The following DCAF12 variants were observed in gnomAD, a reference collection of about 807,000 sequenced individuals.
The protein encoded by DCAF12 is DDB1- and CUL4-associated factor 12.
In DCAF12, 28 loss-of-function variants were observed where a neutral mutation model predicts 52.8. The ratio of observed to expected loss-of-function variants is 0.53; its 90% CI spans 0.39 to 0.73. DCAF12 has a LOEUF of 0.73. Among genes scored for constraint, DCAF12 ranks in the 30% least tolerant of loss-of-function variants. DCAF12 has a pLI of 0.00. For synonymous variants in DCAF12, 196 were observed against 215.5 expected, an observed-to-expected ratio of 0.91 and a Z score of 0.79; for missense variants, 425 against 552.2, an observed-to-expected ratio of 0.77 and a Z score of 2.31.
In DCAF12 at chr9:34,106,504, C is replaced by T; in HGVS notation, c.541-10G>A. On this transcript the variant is annotated splice_polypyrimidine_tract_variant and intron_variant, in intron 3 of 8. Coordinates refer to ENST00000361264, the MANE Select transcript of DCAF12 (RefSeq NM_015397.4). ...AGTCCTTGTGTCCATCCTTGGAGAG[C>T]AGGGAGTAACAGGTACAGGGAGGAA... The T allele has an allele frequency of 3.1e-6, 5 of 1,604,852 alleles. No individual in the cohort carries two copies. Among genetic ancestry groups the T allele is most frequent in the Non-Finnish European group, 4.3e-6 (5 of 1,173,246 alleles).
chr9:34,093,782 A>G (rs781609586), intron 6 of DCAF12: 9 of 274,142 alleles, frequency 3.3e-5, no homozygotes, highest in Non-Finnish European at 6.4e-5. Flanking sequence ...CCAGGGCACT[A>G]AAGCCATAGT....
intron 1 of DCAF12, chr9:34,125,550 A>G (rs1829235649): frequency 1.8e-6 from 1 of 555,698 alleles, no homozygotes; most frequent in Non-Finnish European, 3.5e-6. Flanking sequence ...AAGGTTTACT[A>G]GACATTTTAG....
intron 4 of DCAF12, among the ~76,000 whole-genome samples, chr9:34,104,932 A>G (rs1828881415): frequency 6.6e-6 from 1 of 151,726 alleles, no homozygotes; most frequent in Admixed American, 6.6e-5. Flanking sequence ...AAAAAAAAAG[A>G]AAGAATTTCA....
chr9:34,108,737 G>C (rs1281777756), intron 2 of DCAF12, among the ~76,000 whole-genome samples: 1 of 150,562 alleles, frequency 6.6e-6, no homozygotes, highest in Non-Finnish European at 1.5e-5. Flanking sequence ...AGTGAGCCGG[G>C]ATCGAGCCAC....
intron 2 of DCAF12, among the ~76,000 whole-genome samples, chr9:34,113,266 G>A (rs1829033568): frequency 6.6e-6 from 1 of 152,180 alleles, no homozygotes; most frequent in African/African-American, 2.4e-5. Context: ...TGGCCAGGCT[G>A]GTCTCAAACT....
intron 2 of DCAF12, among the ~76,000 whole-genome samples, chr9:34,121,563 A>G (rs367585252): frequency 2.0e-5 from 3 of 152,214 alleles, no homozygotes; most frequent in East Asian, 3.9e-4. Flanking sequence ...TTCACGTCCA[A>G]AATTAAATAC....
intron 4 of DCAF12, among the ~76,000 whole-genome samples, chr9:34,099,520 C>T (rs970967923): frequency 6.6e-6 from 1 of 151,810 alleles, no homozygotes; most frequent in Non-Finnish European, 1.5e-5. Context: ...GCATGAGCCA[C>T]CGCGCCTTAC....
rs1275312497 is a variant in DCAF12 at position 34,113,054 on chromosome 9, T to C, written c.334-5489A>G. 2.0e-5 allele frequency among the ~76,000 whole-genome samples: 3 copies of C among 152,108 alleles called. No homozygotes were observed. The East Asian group carries it at 5.8e-4, about 29-fold the overall frequency. On this transcript the variant is annotated intron_variant, in intron 2 of 8. Transcript: ENST00000361264. ...AGACCAGGGATTCCCAAACTGCTGA[T>C]CAAAATATTTTTTGAGATACAGTCT... is the stretch of plus-strand genomic sequence containing the variant.
chr9:34,099,638 G>C (rs2131430368), intron 4 of DCAF12, among the ~76,000 whole-genome samples: 1 of 151,484 alleles, frequency 6.6e-6, no homozygotes, highest in Admixed American at 6.6e-5. Flanking sequence ...GTGTTACCCA[G>C]GCTGGAGTGC....
intron 1 of DCAF12, 67 bp downstream of exon 1, chr9:34,126,287 C>T: frequency 6.3e-7 from 1 of 1,582,318 alleles, no homozygotes; most frequent in South Asian, 1.1e-5. Context: ...GTCGCAGGAT[C>T]TGCGGACCCT....
At chr9:34,117,071 G>T (rs973373005) in intron 2 of DCAF12, among the ~76,000 whole-genome samples, 1 of 152,148 alleles carries the variant, frequency 6.6e-6, no homozygotes, top group Non-Finnish European at 1.5e-5. Context: ...ACACAAGATG[G>T]ACTACACTAC....
At chr9:34,089,723 A>G (rs1828615334) in intron 7 of DCAF12, 133 bp from the exon 8 acceptor site, 1 of 839,252 alleles carries the variant, frequency 1.2e-6, no homozygotes, top group Non-Finnish European at 1.7e-6. Context: ...AAAGTATCAG[A>G]CAGTGTTTTC....
rs994787770 is a variant in DCAF12, at chr9:34,087,790, CTG to C, written c.*558_*559del. ...TACAGACTAGTCCCAAAGCTGGACT[CTG>C]TGAATAAAGTTGTTTCTTTTATAAA... On this transcript the variant is annotated 3_prime_UTR_variant, in exon 9 of 9. Coordinates refer to ENST00000361264, the MANE Select transcript of DCAF12 (RefSeq NM_015397.4). The C allele has an allele frequency of 7.2e-5, 11 of 152,196 alleles. No homozygotes were observed. Among genetic ancestry groups the C allele is most frequent in the African/African-American group, 2.7e-4 (11 of 41,456 alleles). 9.4% of individuals were successfully genotyped at this position (152,196 alleles called of 1,614,324 possible). A position where few individuals can be genotyped will look rare whatever the true frequency, so the allele number is the denominator to read the frequency against.
chr9:34,103,742 C>G (rs1383678464), intron 4 of DCAF12, among the ~76,000 whole-genome samples: 3 of 151,962 alleles, frequency 2.0e-5, no homozygotes, highest in African/African-American at 7.3e-5. Flanking sequence ...GTAGTCCCAG[C>G]TACTTGAGGG....
chr9:34,126,457 C>T lies in DCAF12; in HGVS notation c.-26G>A, dbSNP rs774576896. The T allele has an allele frequency of 1.3e-6, 2 of 1,599,130 alleles. No individual in the cohort carries two copies. The highest frequency in any genetic ancestry group is 2.2e-5 in the South Asian group (2 of 90,202). On this transcript the variant is annotated 5_prime_UTR_variant, in exon 1 of 9. Transcript: ENST00000361264. Reference sequence around the variant, plus strand: ...AGTGGGCAGCGCCGCCGCGGCCCCGCAGCCACATGGGGCGGGGGAAGCGAA... The same window carrying T: ...AGTGGGCAGCGCCGCCGCGGCCCCGTAGCCACATGGGGCGGGGGAAGCGAA...
At chr9:34,118,904 G>A (rs1183319650) in intron 2 of DCAF12, among the ~76,000 whole-genome samples, 1 of 152,170 alleles carries the variant, frequency 6.6e-6, no homozygotes, top group East Asian at 1.9e-4. Flanking sequence ...GGCGGAGATT[G>A]CAGTGAGCCA....
intron 7 of DCAF12, among the ~76,000 whole-genome samples, chr9:34,092,697 C>A (rs868609654): frequency 6.4e-5 from 9 of 139,778 alleles, no homozygotes; most frequent in Non-Finnish European, 1.1e-4. Flanking sequence ...AAAAAAAAAA[C>A]AACAACAACA....
intron 2 of DCAF12, among the ~76,000 whole-genome samples, chr9:34,121,258 T>C (rs1322703542): frequency 1.3e-5 from 2 of 152,182 alleles, no homozygotes; most frequent in Non-Finnish European, 2.9e-5. Context: ...TTCATCTTTA[T>C]CAATTACAGC....
Position 34,107,579 on chromosome 9 carries a change from T to C in DCAF12, c.334-14A>G. 1.2e-6 allele frequency: 2 copies of C among 1,612,932 alleles called. No homozygotes were observed. The highest frequency in any genetic ancestry group is 1.7e-5 in the Admixed American group (1 of 59,934). ...TACGACAAATAGCTACAAGAAAAAATGGATACAGAAGCTGAACATAAATTT... is the reference window on the plus strand; with the variant it reads ...TACGACAAATAGCTACAAGAAAAAACGGATACAGAAGCTGAACATAAATTT... On this transcript the variant is annotated splice_polypyrimidine_tract_variant and intron_variant, in intron 2 of 8. Transcript: ENST00000361264.
Sources: gnomAD v4.1 joint callset for allele counts (sites outside exome capture counted in the v4.1 genomes callset) on GRCh38, gnomAD v4.1.1 for gene constraint, MANE v1.5 for transcripts, NCBI Gene and HGNC (gene_info 2026-07-23, HGNC 2026-07-21) for gene names.